Variants in PLXNC1 observed in about 807,000 individuals in gnomAD.
PLXNC1 encodes the protein plexin-C1.
Under a neutral mutation model 178.2 loss-of-function variants are expected in PLXNC1, and 75 were observed. The ratio of observed to expected loss-of-function variants is 0.42; its 90% CI spans 0.35 to 0.51. The LOEUF is 0.51. Among genes scored for constraint, PLXNC1 ranks in the 20% least tolerant of loss-of-function variants. The probability of loss-of-function intolerance (pLI) is 0.02; values close to 1 mark genes in which losing one functional copy is unlikely to be tolerated. For missense variants in PLXNC1, 1,503 were observed against 1,984.4 expected (o/e 0.76, Z 4.61); for synonymous variants, 790 against 779.9 (o/e 1.01, Z -0.22).
In PLXNC1 at chr12:94,282,342, A is replaced by T. The variant is rs774102054; in HGVS notation, c.3820A>T (p.Ser1274Cys). The T allele has an allele frequency of 6.2e-7, 1 of 1,614,136 alleles. No individual in the cohort carries two copies. Among genetic ancestry groups the T allele is most frequent in the East Asian group, 2.2e-5 (1 of 44,884 alleles). Reference protein sequence around the residue: ...TRQKELLDIDSSSVILEDGIT... With the variant: ...TRQKELLDIDCSSVILEDGIT... ...ACAGAAAGAACTTCTGGACATCGAC[A>T]GTTCCTCCGTGATTCTTGAAGATGG... Residue 1274 changes from serine (S) to cysteine (C), a missense_variant, in exon 23 of 31, where the codon AGT becomes TGT. Ser to Cys is a moderately radical substitution (Grantham distance 112). Coordinates refer to ENST00000258526, the MANE Select transcript of PLXNC1 (RefSeq NM_005761.3).
At chr12:94,167,044 T>G (rs1209337911) in intron 1 of PLXNC1, among the ~76,000 whole-genome samples, 2 of 152,042 alleles carry the variant, frequency 1.3e-5, no homozygotes, top group African/African-American at 2.4e-5. Context: ...ATCCCGGACT[T>G]ACTTTGAAAA....
intron 1 of PLXNC1, among the ~76,000 whole-genome samples, chr12:94,152,924 C>T (rs571697258): frequency 6.6e-6 from 1 of 152,290 alleles, no homozygotes; most frequent in East Asian, 1.9e-4. Flanking sequence ...CACACTGGAC[C>T]ATTACTTTTT....
chr12:94,153,182 T>G (rs935157286), intron 1 of PLXNC1, among the ~76,000 whole-genome samples: 1 of 152,242 alleles, frequency 6.6e-6, no homozygotes, highest in African/African-American at 2.4e-5. Flanking sequence ...TCAAGATAGT[T>G]AAGTGCCAAA....
At chr12:94,275,055 A>G (rs556414184) in intron 21 of PLXNC1, among the ~76,000 whole-genome samples, 1 of 152,170 alleles carries the variant, frequency 6.6e-6, no homozygotes. Context: ...ACTTCCCTAC[A>G]TTCCCTCAGC....
chr12:94,223,835 A>G (rs1466610445), intron 6 of PLXNC1, among the ~76,000 whole-genome samples: 2 of 152,170 alleles, frequency 1.3e-5, no homozygotes, highest in African/African-American at 2.4e-5. Flanking sequence ...CAGGATTTCT[A>G]ATGCTCCGGT....
intron 1 of PLXNC1, chr12:94,158,091 AC>A (rs1961241866): frequency 6.6e-6 from 1 of 152,202 alleles, no homozygotes; most frequent in Admixed American, 6.5e-5. Flanking sequence ...TGAGAGTAAA[AC>A]AAACCTTTCC....
intron 17 of PLXNC1, among the ~76,000 whole-genome samples, chr12:94,258,037 G>T (rs1964902800): frequency 6.7e-6 from 1 of 150,026 alleles, no homozygotes; most frequent in South Asian, 2.1e-4. Flanking sequence ...AAAAAATAAA[G>T]AATTGCTTGA....
intron 2 of PLXNC1, among the ~76,000 whole-genome samples, chr12:94,179,740 CAA>C (rs63329860): frequency 0.014 from 1,117 of 80,256 alleles, 4 homozygotes; most frequent in African/African-American, 0.042. Context: ...GACTCCATCT[CAA>C]AAAAAAAAAA....
At position 94,303,749 on chromosome 12, in the gene PLXNC1, T is replaced by TCCC. The variant is rs67648319; in HGVS notation, c.4387-5_4387-3dup. On this transcript the variant is annotated splice_polypyrimidine_tract_variant and splice_region_variant and intron_variant, in intron 28 of 30. Transcript: ENST00000258526. The stretch of plus-strand genomic sequence containing the variant: ...GATGGTTGCTTTTTTTTTTTTTTTT[T>TCCC]CCCCAGGAAGCACCAACTAATAAGC... The TCCC allele has an allele frequency of 5.4e-4, 721 of 1,344,628 alleles. 3 individuals are homozygous for TCCC. The African/African-American group carries it at 9.9e-3, about 18-fold the overall frequency. The allele number at this position is 1,344,628 out of a possible 1,614,324, so 83.3% of individuals were successfully genotyped here. A position where few individuals can be genotyped will look rare whatever the true frequency, so the allele number is the denominator to read the frequency against.
chr12:94,257,030 T>C (rs1285002297), intron 17 of PLXNC1, among the ~76,000 whole-genome samples: 2 of 152,160 alleles, frequency 1.3e-5, no homozygotes, highest in East Asian at 3.9e-4. Context: ...AAAACATGCA[T>C]AAATTTGTCA....
At chr12:94,264,413 C>T (rs1019925456) in intron 20 of PLXNC1, among the ~76,000 whole-genome samples, 1 of 152,164 alleles carries the variant, frequency 6.6e-6, no homozygotes, top group Admixed American at 6.5e-5. Flanking sequence ...ATGGAATTGG[C>T]TCTGGTTCAG....
rs762433109 is a variant in PLXNC1 at position 94,149,383 on chromosome 12, C to A, written c.412C>A (p.Pro138Thr). ...CGACCGGGGCGCCTGCGAGGTGCGG[C>A]CCCTGGGCAACCTGAGCCGCAACTC... ...TFDRGACEVRPLGNLSRNSLR... is the reference protein window; with the variant it reads ...TFDRGACEVRTLGNLSRNSLR... The change falls in exon 1 of 31, where the codon CCC becomes ACC. Residue 138 changes from proline (P) to threonine (T), a missense_variant. This residue lies in a region of PLXNC1 where 73 missense variants were observed against 125.4 expected (regional missense o/e 0.58). Transcript: ENST00000258526. 2.1e-5 allele frequency: 30 copies of A among 1,429,824 alleles called. No homozygotes were observed. The highest frequency in any genetic ancestry group is 4.3e-4 in the Middle Eastern group (2 of 4,680). The allele number at this position is 1,429,824 out of a possible 1,614,324, so 88.6% of individuals were successfully genotyped here. A position where few individuals can be genotyped will look rare whatever the true frequency, so the allele number is the denominator to read the frequency against.
intron 12 of PLXNC1, among the ~76,000 whole-genome samples, chr12:94,246,391 CT>C (rs1964530564): frequency 6.6e-6 from 1 of 152,078 alleles, no homozygotes; most frequent in Admixed American, 6.5e-5. Flanking sequence ...AGATGACCAG[CT>C]TGTCTTTATA....
In PLXNC1 at chr12:94,303,747, T is replaced by C. The variant is rs767058289; in HGVS notation, c.4387-9T>C. 4,787 of 1,410,586 alleles carry C rather than the reference T, an allele frequency of 3.4e-3. 148 individuals are homozygous for C. The African/African-American group carries it at 0.067, about 20-fold the overall frequency. The allele number at this position is 1,410,586 out of a possible 1,614,324, so 87.4% of individuals were successfully genotyped here. A position where few individuals can be genotyped will look rare whatever the true frequency, so the allele number is the denominator to read the frequency against. ...GTGATGGTTGCTTTTTTTTTTTTTT[T>C]TTCCCCAGGAAGCACCAACTAATAA... On this transcript the variant is annotated splice_polypyrimidine_tract_variant and intron_variant, in intron 28 of 30. Transcript: ENST00000258526.
intron 21 of PLXNC1, among the ~76,000 whole-genome samples, 169 bp from the exon 22 acceptor site, chr12:94,279,303 G>A (rs1309328617): frequency 6.6e-6 from 1 of 152,120 alleles, no homozygotes; most frequent in Non-Finnish European, 1.5e-5. Flanking sequence ...CATTATCCCT[G>A]AAAAGAATGG....
intron 28 of PLXNC1, among the ~76,000 whole-genome samples, chr12:94,301,564 CAAAG>C (rs756831210): frequency 1.6e-4 from 24 of 152,262 alleles, no homozygotes; most frequent in Non-Finnish European, 2.4e-4. Context: ...CCCAAGAACT[CAAAG>C]AAAGACAAAA....
Position 94,305,373 on chromosome 12 carries a change from T to C in PLXNC1, c.*88T>C, listed in dbSNP as rs1968898909. 1 of 746,160 alleles carries C rather than the reference T, an allele frequency of 1.3e-6. No individual in the cohort carries two copies. Among genetic ancestry groups the C allele is most frequent in the Non-Finnish European group, 2.3e-6 (1 of 437,278 alleles). 46.2% of individuals were successfully genotyped at this position (746,160 alleles called of 1,614,324 possible). ...CTTGAGCTACTCTGTGTCGTTAATT[T>C]GTTGTTTGCACATAGGTTCCACTTT... On this transcript the variant is annotated 3_prime_UTR_variant, in exon 31 of 31. Coordinates refer to ENST00000258526, the MANE Select transcript of PLXNC1 (RefSeq NM_005761.3).
chr12:94,183,437 A>G (rs1464905564), intron 3 of PLXNC1, among the ~76,000 whole-genome samples: 1 of 152,156 alleles, frequency 6.6e-6, no homozygotes, highest in East Asian at 1.9e-4. Flanking sequence ...CCATCTTTGA[A>G]AGACTTTTGT....
chr12:94,204,365 G>T (rs1005267167), intron 4 of PLXNC1, among the ~76,000 whole-genome samples: 2 of 152,184 alleles, frequency 1.3e-5, no homozygotes. Context: ...GCTACTTAGA[G>T]GTTTGTTGTG....
Sources: allele counts gnomAD v4.1 joint callset (sites outside exome capture counted in the v4.1 genomes callset), GRCh38; gene constraint gnomAD v4.1.1; regional missense constraint gnomAD v4.1.1; transcripts MANE v1.5; gene names NCBI Gene and HGNC (gene_info 2026-07-23, HGNC 2026-07-21).